The following NEGR1 variants were observed in gnomAD, a reference collection of about 807,000 sequenced individuals.
NEGR1 encodes the protein IgLON family member 4.
In NEGR1, 10 loss-of-function variants were observed where a neutral mutation model predicts 40.9. That is an observed-to-expected ratio of 0.24 (90% CI 0.15 to 0.42). The LOEUF is 0.42. NEGR1 is among the 10% of genes least tolerant of loss of function. NEGR1 has a pLI of 1.00. For synonymous variants in NEGR1, 185 were observed against 166.8 expected (o/e 1.11, Z -0.84); for missense variants, 352 against 438.9 (o/e 0.80, Z 1.77).
rs1648707456 is a variant in NEGR1, at chr1:71,568,773, TA to T, written c.940+24043del. On this transcript the variant is annotated intron_variant, in intron 6 of 6. Transcript: ENST00000357731. The stretch of plus-strand genomic sequence containing the variant: ...TATATGTGTTTATGCACATATAAAA[TA>T]AAATTATAAGAATTATGTTTTATAT... 2.0e-5 allele frequency among the ~76,000 whole-genome samples: 3 copies of T among 151,718 alleles called. No homozygotes were observed. In the South Asian group the frequency reaches 6.3e-4, roughly 32 times the overall value.
intron 3 of NEGR1, among the ~76,000 whole-genome samples, chr1:71,745,644 T>C (rs1459940505): frequency 6.6e-6 from 1 of 152,154 alleles, no homozygotes; most frequent in Non-Finnish European, 1.5e-5. Context: ...GACCAGGGAA[T>C]GATGGGCCTC....
intron 3 of NEGR1, among the ~76,000 whole-genome samples, chr1:71,753,823 C>T (rs941815686): frequency 3.9e-5 from 6 of 152,058 alleles, no homozygotes; most frequent in Admixed American, 2.6e-4. Context: ...GAGCAGTTGG[C>T]AATATGTGAC....
chr1:72,040,841 T>C (rs905727866), intron 1 of NEGR1, among the ~76,000 whole-genome samples: 5 of 151,926 alleles, frequency 3.3e-5, no homozygotes, highest in African/African-American at 1.2e-4. Context: ...AATTCAAATA[T>C]TGTCTTGCAA....
chr1:71,802,557 A>G (rs1557657970), intron 2 of NEGR1, among the ~76,000 whole-genome samples: 1 of 152,196 alleles, frequency 6.6e-6, no homozygotes, highest in Non-Finnish European at 1.5e-5. Flanking sequence ...CCTAGATTTC[A>G]GTAGCCAAAC....
chr1:71,509,592 C>T (rs1647059623), intron 6 of NEGR1, among the ~76,000 whole-genome samples: 1 of 152,214 alleles, frequency 6.6e-6, no homozygotes, highest in Admixed American at 6.5e-5. Context: ...ATTCCCTTCA[C>T]TCTGGCATTC....
chr1:71,951,270 T>C (rs1053395872), intron 1 of NEGR1, among the ~76,000 whole-genome samples: 4 of 151,966 alleles, frequency 2.6e-5, no homozygotes, highest in African/African-American at 2.4e-5. Flanking sequence ...TCTTTACCAA[T>C]GGCTGAAAGT....
At chr1:71,557,189 C>A (rs1461953720) in intron 6 of NEGR1, among the ~76,000 whole-genome samples, 1 of 151,530 alleles carries the variant, frequency 6.6e-6, no homozygotes, top group African/African-American at 2.4e-5. Context: ...AACACAAATG[C>A]CTTTGGTTGG....
chr1:72,147,127 T>C (rs796946871), intron 1 of NEGR1, among the ~76,000 whole-genome samples: 93 of 152,318 alleles, frequency 6.1e-4, no homozygotes, highest in African/African-American at 2.1e-3. Flanking sequence ...ATAAGTCATA[T>C]AAGGCAATAA....
intron 6 of NEGR1, among the ~76,000 whole-genome samples, chr1:71,416,637 C>G (rs904892236): frequency 4.6e-5 from 7 of 152,046 alleles, no homozygotes; most frequent in African/African-American, 1.7e-4. Context: ...TTTTTAAATC[C>G]TTAATAAAAT....
In NEGR1 at chr1:71,403,767, A is replaced by T. The variant is rs1159895299; in HGVS notation, c.*3679T>A. 1.1e-5 allele frequency: 4 copies of T among 367,774 alleles called. No homozygotes were observed. Among genetic ancestry groups the T allele is most frequent in the African/African-American group, 8.3e-5 (4 of 48,024 alleles). 22.8% of individuals were successfully genotyped at this position (367,774 alleles called of 1,614,324 possible). Reference sequence around the variant, plus strand: ...TGATAAACTGAGTTTATATTCACCTATTGGAAACAGTACAACATATTTTAC... The same window carrying T: ...TGATAAACTGAGTTTATATTCACCTTTTGGAAACAGTACAACATATTTTAC... On this transcript the variant is annotated 3_prime_UTR_variant, in exon 7 of 7. Coordinates refer to ENST00000357731, the MANE Select transcript of NEGR1 (RefSeq NM_173808.3).
At chr1:72,031,263 A>C (rs1423838258) in intron 1 of NEGR1, among the ~76,000 whole-genome samples, 1 of 152,212 alleles carries the variant, frequency 6.6e-6, no homozygotes, top group African/African-American at 2.4e-5. Flanking sequence ...CATGAAATTC[A>C]GTTTCTGTGG....
At chr1:71,737,758 G>T (rs1655085216) in intron 3 of NEGR1, among the ~76,000 whole-genome samples, 1 of 152,094 alleles carries the variant, frequency 6.6e-6, no homozygotes, top group Non-Finnish European at 1.5e-5. Flanking sequence ...AGACAAAAAA[G>T]ATAGCTAATT....
At chr1:71,494,217 A>G (rs1045591016) in intron 6 of NEGR1, among the ~76,000 whole-genome samples, 1 of 152,144 alleles carries the variant, frequency 6.6e-6, no homozygotes, top group African/African-American at 2.4e-5. Context: ...AGGCCATGCT[A>G]TATCACCTCT....
At chr1:71,482,201 A>C (rs920974661) in intron 6 of NEGR1, among the ~76,000 whole-genome samples, 4 of 151,890 alleles carry the variant, frequency 2.6e-5, no homozygotes, top group African/African-American at 9.7e-5. Flanking sequence ...CCACACCACC[A>C]ATAGCTATTC....
chr1:71,622,650 C>G (rs1650646177), intron 4 of NEGR1, among the ~76,000 whole-genome samples: 1 of 151,856 alleles, frequency 6.6e-6, no homozygotes. Context: ...ATCAAAGACT[C>G]ACATTGATCT....
At chr1:71,451,943 T>C (rs1646632430) in intron 6 of NEGR1, among the ~76,000 whole-genome samples, 1 of 152,180 alleles carries the variant, frequency 6.6e-6, no homozygotes, top group Non-Finnish European at 1.5e-5. Flanking sequence ...ATATGTTACA[T>C]ACTTTTGCAC....
intron 5 of NEGR1, among the ~76,000 whole-genome samples, chr1:71,601,987 T>C (rs1649935461): frequency 6.6e-6 from 1 of 152,000 alleles, no homozygotes; most frequent in Non-Finnish European, 1.5e-5. Flanking sequence ...ATTAAACTAC[T>C]GCTACACACA....
chr1:72,194,270 A>G (rs1652924096), intron 1 of NEGR1, among the ~76,000 whole-genome samples: 2 of 151,942 alleles, frequency 1.3e-5, no homozygotes, highest in Admixed American at 1.3e-4. Context: ...AAGGGAGCTA[A>G]TATTTTTGCA....
chr1:72,248,328 G>A (rs1482326254), intron 1 of NEGR1, among the ~76,000 whole-genome samples: 1 of 152,066 alleles, frequency 6.6e-6, no homozygotes, highest in Non-Finnish European at 1.5e-5. Context: ...CATGATCTCA[G>A]CACACTGCAA....
Sources: allele counts gnomAD v4.1 joint callset (sites outside exome capture counted in the v4.1 genomes callset), GRCh38; gene constraint gnomAD v4.1.1; transcripts MANE v1.5; gene names NCBI Gene and HGNC (gene_info 2026-07-23, HGNC 2026-07-21).